ZBTB44: variants seen among roughly 807,000 people sequenced by gnomAD.
ZBTB44 encodes zinc finger and BTB domain containing 44, also known as zinc finger and BTB domain-containing protein 44.
A neutral mutation model predicts 54.0 loss-of-function variants in ZBTB44; 15 were observed. The ratio of observed to expected loss-of-function variants is 0.28; its 90% CI spans 0.19 to 0.43. The LOEUF is 0.43. ZBTB44 is among the 20% of genes least tolerant of loss of function. ZBTB44 has a pLI of 1.00. For synonymous variants in ZBTB44, 230 were observed against 250.1 expected, an observed-to-expected ratio of 0.92 and a Z score of 0.76; for missense variants, 487 against 707.1, an observed-to-expected ratio of 0.69 and a Z score of 3.53.
chr11:130,267,400 G>C (rs1363818040), intron 1 of ZBTB44, among the ~76,000 whole-genome samples: 1 of 151,986 alleles, frequency 6.6e-6, no homozygotes, highest in Non-Finnish European at 1.5e-5. Flanking sequence ...AGAAGAGCTA[G>C]GTAAGATTAT....
At chr11:130,273,447 C>T (rs111589760) in intron 1 of ZBTB44, among the ~76,000 whole-genome samples, 6,195 of 151,736 alleles carry the variant, frequency 0.041, 311 homozygotes, top group African/African-American at 0.12. Flanking sequence ...GTAGCTGGGA[C>T]TACGGGCATG....
At chr11:130,248,188 A>G (rs574111119) in intron 2 of ZBTB44, among the ~76,000 whole-genome samples, 1 of 152,360 alleles carries the variant, frequency 6.6e-6, no homozygotes, top group South Asian at 2.1e-4. Flanking sequence ...TACAGGGGAA[A>G]AAGTACCATG....
intron 1 of ZBTB44, among the ~76,000 whole-genome samples, chr11:130,263,980 C>G (rs1353544003): frequency 6.6e-6 from 1 of 152,152 alleles, no homozygotes; most frequent in Non-Finnish European, 1.5e-5. Flanking sequence ...TACTATCTCC[C>G]AACAGTATAT....
In ZBTB44 at chr11:130,260,863, G is replaced by A. The variant is rs202193079; in HGVS notation, c.1011C>T (p.Ser337=). 2.6e-3 allele frequency: 4,161 copies of A among 1,611,444 alleles called. 12 individuals are homozygous for A. The highest frequency in any genetic ancestry group is 3.1e-3 in the Non-Finnish European group (3,669 of 1,179,014). The stretch of plus-strand genomic sequence containing the variant: ...ACACAGAAGGCATTATACCTATAGA[G>A]GAAGACTGTGGACTAATCAGAAGGT... ...QEDLLISPQS[S]SIGSVDEGVS... The change falls in exon 2 of 8, where the codon TCC becomes TCT. Residue 337 remains serine (S), a synonymous_variant. Transcript: ENST00000357899.
chr11:130,246,263 A>G (rs1346974627), intron 2 of ZBTB44, among the ~76,000 whole-genome samples: 1 of 152,236 alleles, frequency 6.6e-6, no homozygotes, highest in Non-Finnish European at 1.5e-5. Context: ...ACAGCAGAAT[A>G]TATACACATA....
chr11:130,299,290 A>T (rs1565334979), intron 1 of ZBTB44, among the ~76,000 whole-genome samples: 1 of 152,248 alleles, frequency 6.6e-6, no homozygotes, highest in Non-Finnish European at 1.5e-5. Context: ...GTAATAAAAT[A>T]TCAAGAAAGC....
intron 1 of ZBTB44, among the ~76,000 whole-genome samples, chr11:130,275,787 C>G (rs1302825291): frequency 6.6e-6 from 1 of 152,030 alleles, no homozygotes; most frequent in Non-Finnish European, 1.5e-5. Context: ...GCCAGCATGC[C>G]CAGATAATTT....
At chr11:130,239,605 G>A (rs1344685592) in intron 3 of ZBTB44, 11 of 408,818 alleles carry the variant, frequency 2.7e-5, no homozygotes, top group Non-Finnish European at 4.5e-5. Context: ...AAAGCAATGG[G>A]ACTAGGTAGT....
At chr11:130,286,581 GCATT>G (rs1940979261) in intron 1 of ZBTB44, among the ~76,000 whole-genome samples, 1 of 152,108 alleles carries the variant, frequency 6.6e-6, no homozygotes, top group Non-Finnish European at 1.5e-5. Flanking sequence ...ACATTACTAA[GCATT>G]AATTAAAAGA....
chr11:130,298,661 C>T (rs978521962), intron 1 of ZBTB44, among the ~76,000 whole-genome samples: 1 of 151,172 alleles, frequency 6.6e-6, no homozygotes, highest in Admixed American at 6.6e-5. Context: ...CGGAGTTTCA[C>T]CATGTTGGCC....
In ZBTB44 at chr11:130,272,303, C is replaced by T. The variant is rs556966108; in HGVS notation, c.-56-10374G>A. The stretch of plus-strand genomic sequence containing the variant: ...CAACACTTATGATTCAACTTTGTTT[C>T]TAGTCATCCTAGTGGATGTGAAGTG... On this transcript the variant is annotated intron_variant, in intron 1 of 7. Transcript: ENST00000357899. 7.2e-5 allele frequency among the ~76,000 whole-genome samples: 11 copies of T among 152,106 alleles called. No homozygotes were observed. In the East Asian group the frequency reaches 2.1e-3, roughly 29 times the overall value.
intron 1 of ZBTB44, among the ~76,000 whole-genome samples, chr11:130,272,230 CA>C (rs1024944222): frequency 7.7e-4 from 108 of 140,416 alleles, no homozygotes; most frequent in East Asian, 1.6e-3. Flanking sequence ...ACTCCGTCTC[CA>C]AAAAAAAAAA....
Position 130,261,396 on chromosome 11 carries a change from T to C in ZBTB44, c.478A>G (p.Ile160Val). ...CTGCACTCTGAGGACACGGGAGAAATGCTCCCATCTCGAGAAGTAAAATTG... is the reference window on the plus strand; with the variant it reads ...CTGCACTCTGAGGACACGGGAGAAACGCTCCCATCTCGAGAAGTAAAATTG... ...NCNFTSRDGSISPVSSECSVV... is the reference protein window; with the variant it reads ...NCNFTSRDGSVSPVSSECSVV... Residue 160 changes from isoleucine to valine, a missense_variant, in exon 2 of 8, where the codon ATT (isoleucine) becomes GTT (valine). By Grantham distance (29) the Ile-to-Val change is conservative (BLOSUM62 3). Around this residue, in one of 3 missense-constraint regions of ZBTB44, gnomAD observed 277 missense variants for 306.5 expected, o/e 0.90. Transcript: ENST00000357899. The surrounding 1 kb of genome is among the most constrained non-coding windows in gnomAD (Gnocchi z 4.8). The C allele has an allele frequency of 6.2e-7, 1 of 1,613,934 alleles. No homozygotes were observed. The highest frequency in any genetic ancestry group is 1.1e-5 in the South Asian group (1 of 91,088).
intron 2 of ZBTB44, among the ~76,000 whole-genome samples, chr11:130,257,408 A>G (rs1219504207): frequency 1.3e-5 from 2 of 152,054 alleles, no homozygotes; most frequent in Non-Finnish European, 1.5e-5. Context: ...GGAGAGAGAG[A>G]TTTGAAGCCA....
chr11:130,271,735 C>T (rs1179124446), intron 1 of ZBTB44, among the ~76,000 whole-genome samples: 3 of 152,150 alleles, frequency 2.0e-5, no homozygotes, highest in African/African-American at 4.8e-5. Flanking sequence ...TTAATGGACA[C>T]GAGTTGTTTC....
At chr11:130,291,135 G>GTTT (rs1480781756) in intron 1 of ZBTB44, among the ~76,000 whole-genome samples, 1 of 151,020 alleles carries the variant, frequency 6.6e-6, no homozygotes, top group African/African-American at 2.4e-5. Context: ...GAAAGCCTTT[G>GTTT]TTGTTTTTTT....
intron 4 of ZBTB44, 84 bp from the exon 5 acceptor site, chr11:130,237,177 T>A (rs762636714): frequency 1.2e-5 from 16 of 1,295,408 alleles, no homozygotes; most frequent in Non-Finnish European, 1.6e-5. Context: ...ACTATATTTC[T>A]GTAGCAACAG....
intron 1 of ZBTB44, among the ~76,000 whole-genome samples, chr11:130,263,647 T>C (rs568361083): frequency 1.7e-4 from 26 of 152,276 alleles, no homozygotes; most frequent in Admixed American, 6.5e-4. Context: ...AAACAACAGA[T>C]AATGTACTAC....
intron 1 of ZBTB44, among the ~76,000 whole-genome samples, chr11:130,262,832 C>T (rs143449153): frequency 6.3e-4 from 96 of 152,116 alleles, no homozygotes; most frequent in Middle Eastern, 3.4e-3. Context: ...CCAAGGCAGG[C>T]GGATTGCTTG....
Sources: gnomAD v4.1 joint callset for allele counts (sites outside exome capture counted in the v4.1 genomes callset) on GRCh38, gnomAD v4.1.1 for gene constraint, gnomAD v4.1.1 regional missense constraint, Gnocchi (gnomAD v3.1) non-coding constraint, MANE v1.5 for transcripts, NCBI Gene and HGNC (gene_info 2026-07-23, HGNC 2026-07-21) for gene names.